Variants in KLF8 observed in about 807,000 individuals in gnomAD.
KLF8 encodes Krueppel-like factor 8.
In KLF8, 10 loss-of-function variants were observed where a neutral mutation model predicts 18.2. The ratio of observed to expected loss-of-function variants is 0.55; its 90% CI spans 0.34 to 0.93. The LOEUF (loss-of-function observed/expected upper bound fraction) is 0.93. Ranked by LOEUF, KLF8 falls within the 40% of genes least tolerant of loss-of-function variation. KLF8 has a pLI of 0.02. For synonymous variants in KLF8, 109 were observed against 97.3 expected, an observed-to-expected ratio of 1.12 and a Z score of -0.71; for missense variants, 264 against 277.9, an observed-to-expected ratio of 0.95 and a Z score of 0.36.
the KLF8 span, among the ~76,000 whole-genome samples, chrX:56,126,075 G>A: frequency 0.53 from 58,246 of 110,345 alleles, 13,614 homozygotes; most frequent in Non-Finnish European, 0.73. Flanking sequence ...AAAGACATGA[G>A]AACTGCTTAT....
upstream of KLF8, among the ~76,000 whole-genome samples, chrX:56,230,268 G>T (rs1163690205): frequency 8.9e-6 from 1 of 112,084 alleles, no homozygotes; most frequent in Non-Finnish European, 1.9e-5. Context: ...GATATAAACT[G>T]CTTAATGTCT....
At chrX:56,065,598 A>G in the KLF8 span, among the ~76,000 whole-genome samples, 1 of 109,086 alleles carries the variant, frequency 9.2e-6, no homozygotes, top group Non-Finnish European at 1.9e-5. Context: ...TCCTTTGGAG[A>G]TGTTGTCTTT....
At chrX:56,101,704 T>TG in the KLF8 span, among the ~76,000 whole-genome samples, 1 of 112,373 alleles carries the variant, frequency 8.9e-6, no homozygotes, top group African/African-American at 3.2e-5. Flanking sequence ...AGACTAGTGA[T>TG]GGAGAACATT....
chrX:56,202,765 T>C, the KLF8 span, among the ~76,000 whole-genome samples: 1 of 111,387 alleles, frequency 9.0e-6, no homozygotes, highest in African/African-American at 3.3e-5. Flanking sequence ...ATATCATTCT[T>C]TTTGTGGCTG....
At chrX:56,227,764 T>C (rs1316532267), upstream of KLF8, among the ~76,000 whole-genome samples, 2 of 110,582 alleles carry the variant, frequency 1.8e-5, no homozygotes, top group African/African-American at 6.6e-5. Context: ...TTTGACTTGA[T>C]TGTTGATTAT....
chrX:56,079,732 A>C, the KLF8 span, among the ~76,000 whole-genome samples: 1 of 110,072 alleles, frequency 9.1e-6, no homozygotes, highest in Non-Finnish European at 1.9e-5. Context: ...TGATCTGTCT[A>C]ATGTTGACAG....
At chrX:56,006,730 C>T in the KLF8 span, among the ~76,000 whole-genome samples, 2 of 112,299 alleles carry the variant, frequency 1.8e-5, no homozygotes, top group East Asian at 5.6e-4. Flanking sequence ...TTAGTATATT[C>T]CAGATATTAG....
chrX:55,969,355 TG>T, the KLF8 span, among the ~76,000 whole-genome samples: 1 of 111,753 alleles, frequency 8.9e-6, no homozygotes, highest in South Asian at 3.7e-4. Context: ...GAATGACCAG[TG>T]GGTCAAAGAT....
At chrX:56,140,275 T>G in the KLF8 span, among the ~76,000 whole-genome samples, 1 of 111,757 alleles carries the variant, frequency 8.9e-6, no homozygotes, top group African/African-American at 3.3e-5. Context: ...CAAAGGAATA[T>G]AAATAATTCT....
At chrX:55,964,473 A>G in the KLF8 span, among the ~76,000 whole-genome samples, 2 of 111,294 alleles carry the variant, frequency 1.8e-5, no homozygotes, top group Non-Finnish European at 3.8e-5. Flanking sequence ...GCTACTTGGG[A>G]GGCTGAAGTG....
chrX:56,164,857 G>A, the KLF8 span, among the ~76,000 whole-genome samples: 3 of 88,444 alleles, frequency 3.4e-5, no homozygotes, highest in East Asian at 3.7e-4. Flanking sequence ...ACCCACTAAC[G>A]TGTCATCTAG....
chrX:56,168,715 T>A, the KLF8 span, among the ~76,000 whole-genome samples: 1 of 106,031 alleles, frequency 9.4e-6, no homozygotes, highest in Non-Finnish European at 1.9e-5. Flanking sequence ...TTCTCATTGT[T>A]CAATTCCCAC....
intron 3 of KLF8, 123 bp downstream of exon 3, chrX:56,265,867 T>C: frequency 2.8e-6 from 3 of 1,074,185 alleles, no homozygotes; most frequent in Non-Finnish European, 3.6e-6. Context: ...GAGTAATCTT[T>C]CAAAAGTACT....
the KLF8 span, among the ~76,000 whole-genome samples, chrX:56,216,251 CT>C: frequency 9.0e-6 from 1 of 111,179 alleles, no homozygotes; most frequent in Non-Finnish European, 1.9e-5. Context: ...GCCACATCCC[CT>C]TCCAATCAGT....
At chrX:56,115,415 T>G in the KLF8 span, among the ~76,000 whole-genome samples, 1 of 112,067 alleles carries the variant, frequency 8.9e-6, no homozygotes, top group African/African-American at 3.2e-5. Flanking sequence ...GAAAGGAGCA[T>G]CTGCTGAGGA....
At chrX:56,126,623 G>A in the KLF8 span, among the ~76,000 whole-genome samples, 7 of 110,202 alleles carry the variant, frequency 6.4e-5, no homozygotes, top group African/African-American at 2.3e-4. Context: ...CCTACTCCCT[G>A]TTTCCACTCA....
the KLF8 span, among the ~76,000 whole-genome samples, chrX:55,997,427 G>A: frequency 9.0e-6 from 1 of 111,701 alleles, no homozygotes; most frequent in Admixed American, 9.5e-5. Context: ...GAAGTCTCCT[G>A]CAGCTAGGTT....
At chrX:56,136,983 A>T in the KLF8 span, among the ~76,000 whole-genome samples, 1 of 112,405 alleles carries the variant, frequency 8.9e-6, no homozygotes, top group Non-Finnish European at 1.9e-5. Context: ...ACATTTATGC[A>T]GCCAAAAAAC....
chrX:56,156,584 T>A, the KLF8 span, among the ~76,000 whole-genome samples: 1 of 110,110 alleles, frequency 9.1e-6, no homozygotes, highest in Middle Eastern at 4.2e-3. Context: ...TTTTTTTTTC[T>A]TTATATACTT....
Sources: allele counts gnomAD v4.1 joint callset (sites outside exome capture counted in the v4.1 genomes callset), GRCh38; gene constraint gnomAD v4.1.1; transcripts MANE v1.5; gene names NCBI Gene and HGNC (gene_info 2026-07-23, HGNC 2026-07-21).